DDX41: variants seen among roughly 807,000 people sequenced by gnomAD.
DDX41 encodes DEAD-box helicase 41.
A neutral mutation model predicts 78.8 loss-of-function variants in DDX41; 50 were observed. The ratio of observed to expected loss-of-function variants is 0.63; its 90% CI spans 0.51 to 0.80. The LOEUF (loss-of-function observed/expected upper bound fraction) is 0.80. Among genes scored for constraint, DDX41 ranks in the 30% least tolerant of loss-of-function variants. DDX41 has a pLI of 0.00. For synonymous variants in DDX41, 381 were observed against 321.5 expected (o/e 1.19, Z -1.98); for missense variants, 633 against 849.2 (o/e 0.75, Z 3.16).
Position 177,511,792 on chromosome 5 carries a change from C to T in DDX41, c.1868G>A (p.Ter623=), listed in dbSNP as rs1760956325. The T allele has an allele frequency of 3.7e-6, 6 of 1,614,070 alleles. No individual in the cohort carries two copies. Among genetic ancestry groups the T allele is most frequent in the Non-Finnish European group, 5.1e-6 (6 of 1,179,986 alleles). The change falls in exon 17 of 17, where the codon TGA becomes TAA. Residue 623 remains the stop codon, a stop_retained_variant. Coordinates refer to ENST00000330503, the MANE Select transcript of DDX41 (RefSeq NM_016222.4). ...DYLAHSSMDF[*] is the part of the protein sequence containing the mutation. ...TGGAGAGAAGGGAAGACTGTCGGCT[C>T]AGAAGTCCATGGAGCTGTGGGCCAG...
Position 177,516,829 on chromosome 5 carries a change from G to C in DDX41, c.34C>G (p.Arg12Gly). ...CCTCCGGCAGGCACCTCGTCGGTGC[G>C]AGCCCGCTGCAAGCACACGCCAGTC... ...EESEPERKRA[R>G]TDEVPAGGSR... Residue 12 changes from arginine to glycine, a missense_variant, in exon 2 of 17, where the codon CGC becomes GGC. Transcript: ENST00000330503. 1 of 1,612,734 alleles carries C rather than the reference G, an allele frequency of 6.2e-7. No individual in the cohort carries two copies. The highest frequency in any genetic ancestry group is 1.3e-5 in the African/African-American group (1 of 75,060).
In DDX41 at chr5:177,513,943, C is replaced by T; in HGVS notation, c.936-96G>A. The stretch of plus-strand genomic sequence containing the variant: ...CTGCATCTGCTCTGCTCTCTGTCCT[C>T]CTTCCTATTTCTTTGTCTGTCCCCT... On this transcript the variant is annotated intron_variant, in intron 9 of 16. Coordinates refer to ENST00000330503, the MANE Select transcript of DDX41 (RefSeq NM_016222.4). The surrounding 1 kb of genome is among the most constrained non-coding windows in gnomAD (Gnocchi z 4.6). 8.0e-7 allele frequency: 1 copy of T among 1,253,472 alleles called. No individual in the cohort carries two copies. The highest frequency in any genetic ancestry group is 1.1e-6 in the Non-Finnish European group (1 of 875,656). The allele number at this position is 1,253,472 out of a possible 1,614,324, so 77.6% of individuals were successfully genotyped here.
At chr5:177,515,408 A>G (rs754142309) in intron 6 of DDX41, 150 bp from the exon 7 acceptor site, 3 of 982,160 alleles carry the variant, frequency 3.1e-6, no homozygotes, top group Non-Finnish European at 4.7e-6. Flanking sequence ...AAAAAGAAAA[A>G]AAGAGACTTG....
rs1257868075 is a variant in DDX41 at position 177,514,817 on chromosome 5, G to A, written c.819C>T (p.Thr273=). Residue 273 remains threonine (T), a synonymous_variant, in exon 9 of 17, where the codon ACC becomes ACT. Coordinates refer to ENST00000330503, the MANE Select transcript of DDX41 (RefSeq NM_016222.4). The surrounding 1 kb of genome is among the most constrained non-coding windows in gnomAD (Gnocchi z 4.2). ...GGCAGTAGTACTCCAGGATGCCATG[G>A]GTCTGCCGGGCCAGCTCCCGCTGCA... ...ICPSRELARQ[T]HGILEYYCRL... 4 of 1,612,280 alleles carry A rather than the reference G, an allele frequency of 2.5e-6. No homozygotes were observed. Among genetic ancestry groups the A allele is most frequent in the Non-Finnish European group, 2.5e-6 (3 of 1,179,414 alleles).
chr5:177,516,023 T>A (rs1761212066), intron 4 of DDX41, 34 bp from the exon 5 acceptor site: 1 of 1,614,044 alleles, frequency 6.2e-7, no homozygotes, highest in Admixed American at 1.7e-5. Flanking sequence ...GGCTGGCTCC[T>A]GCTTCTGAGA....
rs1761058647 is a variant in DDX41, at chr5:177,513,157, C to T, written c.1231-75G>A. On this transcript the variant is annotated intron_variant, in intron 11 of 16. Coordinates refer to ENST00000330503, the MANE Select transcript of DDX41 (RefSeq NM_016222.4). This position sits in a 1 kb window ranked among gnomAD's most constrained non-coding sequence, Gnocchi z 4.6. ...CCACAGCCCTGCCATGGCCCGTCAT[C>T]TGGACCAGGAGGTGACCAGAAGCCT... 3 of 1,561,606 alleles carry T rather than the reference C, an allele frequency of 1.9e-6. No individual in the cohort carries two copies. The highest frequency in any genetic ancestry group is 3.4e-5 in the Admixed American group (2 of 57,994).
In DDX41 at chr5:177,511,757, T is replaced by G; in HGVS notation, c.*34A>C. 1 of 1,612,104 alleles carries G rather than the reference T, an allele frequency of 6.2e-7. No individual in the cohort carries two copies. Among genetic ancestry groups the G allele is most frequent in the Non-Finnish European group, 8.5e-7 (1 of 1,178,516 alleles). ...GTAGACTGGTGGCAGTCTTGGGGAC[T>G]GAGGCCTCTTGGAGAGAAGGGAAGA... is the stretch of plus-strand genomic sequence containing the variant. On this transcript the variant is annotated 3_prime_UTR_variant, in exon 17 of 17. Coordinates refer to ENST00000330503, the MANE Select transcript of DDX41 (RefSeq NM_016222.4).
In DDX41 at chr5:177,516,913, TCC is replaced by T. The variant is rs1188462486; in HGVS notation, c.27+4_27+5del. 6.2e-7 allele frequency: 1 copy of T among 1,613,182 alleles called. No homozygotes were observed. The highest frequency in any genetic ancestry group is 1.3e-5 in the African/African-American group (1 of 74,938). On this transcript the variant is annotated splice_donor_5th_base_variant and intron_variant, in intron 1 of 16. Transcript: ENST00000330503. ...CCACACGCGCGGGGTCTCGCCTCTCTCCTACCTTCCGTTCGGGTTCCGACTCC... is the reference window on the plus strand; with the variant it reads ...CCACACGCGCGGGGTCTCGCCTCTCTTACCTTCCGTTCGGGTTCCGACTCC...
rs764631159 is a variant in DDX41, at chr5:177,512,882, C to T, written c.1303-6G>A. ...TTCTCTGCAAAGATGAGTACCTGTC[C>T]GGAAAGACCAACTCCAGTCAGGGGC... is the stretch of plus-strand genomic sequence containing the variant. On this transcript the variant is annotated splice_region_variant and splice_polypyrimidine_tract_variant and intron_variant, in intron 12 of 16. Coordinates refer to ENST00000330503, the MANE Select transcript of DDX41 (RefSeq NM_016222.4). 3.7e-5 allele frequency: 59 copies of T among 1,613,476 alleles called. No homozygotes were observed. Among genetic ancestry groups the T allele is most frequent in the Non-Finnish European group, 4.7e-5 (55 of 1,179,858 alleles).
rs1469624415 is a variant in DDX41, at chr5:177,513,131, G to T, written c.1231-49C>A. ...GGTGATCTTGAGATTAGGCTTACCC[G>T]CCACAGCCCTGCCATGGCCCGTCAT... is the stretch of plus-strand genomic sequence containing the variant. On this transcript the variant is annotated intron_variant, in intron 11 of 16. Coordinates refer to ENST00000330503, the MANE Select transcript of DDX41 (RefSeq NM_016222.4). This position sits in a 1 kb window ranked among gnomAD's most constrained non-coding sequence, Gnocchi z 4.6. 6.3e-7 allele frequency: 1 copy of T among 1,585,744 alleles called. No individual in the cohort carries two copies.
In DDX41 at chr5:177,515,059, G is replaced by C; in HGVS notation, c.655C>G (p.Arg219Gly). Reference protein sequence around the residue: ...IQGIPTILSGRDMIGIAFTGS... With the variant: ...IQGIPTILSGGDMIGIAFTGS... The stretch of plus-strand genomic sequence containing the variant: ...GTGAAAGCGATGCCTATCATGTCAC[G>C]GCCAGATAGACTGTTGGGAGAGGAT... The change falls in exon 8 of 17, where the codon CGT (arginine) becomes GGT (glycine). Residue 219 changes from arginine to glycine, a missense_variant. Arg to Gly is a moderately radical substitution (Grantham distance 125, BLOSUM62 -2). This residue lies in a region of DDX41 where 126 missense variants were observed against 115.5 expected (regional missense o/e 1.09). Coordinates refer to ENST00000330503, the MANE Select transcript of DDX41 (RefSeq NM_016222.4). 6.2e-7 allele frequency: 1 copy of C among 1,612,846 alleles called. No homozygotes were observed. Among genetic ancestry groups the C allele is most frequent in the South Asian group, 1.1e-5 (1 of 91,078 alleles).
rs1761120370 is a variant in DDX41 at position 177,514,279 on chromosome 5, C to G, written c.935+422G>C. ...AGGGCCTCTGGTGGTCTGCAGAGGA[C>G]TGCACAGCACTGAAAGGACACAGGT... On this transcript the variant is annotated intron_variant, in intron 9 of 16. Coordinates refer to ENST00000330503, the MANE Select transcript of DDX41 (RefSeq NM_016222.4). The surrounding 1 kb of genome is among the most constrained non-coding windows in gnomAD (Gnocchi z 4.2). 2.0e-6 allele frequency: 1 copy of G among 488,240 alleles called. No individual in the cohort carries two copies. The highest frequency in any genetic ancestry group is 4.0e-6 in the Non-Finnish European group (1 of 249,564). The allele number at this position is 488,240 out of a possible 1,614,324, so 30.2% of individuals were successfully genotyped here.
In DDX41 at chr5:177,514,456, G is replaced by T. The variant is rs898991704; in HGVS notation, c.935+245C>A. ...TCACCTTCCCGGAAAAGCCTTCTCT[G>T]AGCTCCCACCTCCCAGATGTCCCCA... On this transcript the variant is annotated intron_variant, in intron 9 of 16. Coordinates refer to ENST00000330503, the MANE Select transcript of DDX41 (RefSeq NM_016222.4). This position sits in a 1 kb window ranked among gnomAD's most constrained non-coding sequence, Gnocchi z 4.2. 6.6e-6 allele frequency among the ~76,000 whole-genome samples: 1 copy of T among 152,142 alleles called. No individual in the cohort carries two copies. The highest frequency in any genetic ancestry group is 2.4e-5 in the African/African-American group (1 of 41,438).
chr5:177,511,653 C>G lies in DDX41; in HGVS notation c.*138G>C, dbSNP rs989394683. The G allele has an allele frequency of 1.9e-5, 22 of 1,167,956 alleles. No individual in the cohort carries two copies. The African/African-American group carries it at 2.9e-4, about 15-fold the overall frequency. The allele number at this position is 1,167,956 out of a possible 1,614,324, so 72.3% of individuals were successfully genotyped here. A position where few individuals can be genotyped will look rare whatever the true frequency, so the allele number is the denominator to read the frequency against. On this transcript the variant is annotated 3_prime_UTR_variant, in exon 17 of 17. Transcript: ENST00000330503. ...CAGTAATTCTGAAGAGCACAGGGAA[C>G]AGGCAGCCAGGACCAGCCTGGCCCA...
chr5:177,512,807 C>T lies in DDX41; in HGVS notation c.1372G>A (p.Glu458Lys). 1 of 1,614,152 alleles carries T rather than the reference C, an allele frequency of 6.2e-7. No individual in the cohort carries two copies. The highest frequency in any genetic ancestry group is 8.5e-7 in the Non-Finnish European group (1 of 1,180,032). ...IHEYLLLKGV[E>K]AVAIHGGKDQ... is the part of the protein sequence containing the mutation. Reference sequence around the variant, plus strand: ...TTGCCCCCATGGATGGCTACGGCCTCAACCCCCTTGAGCAGCAGGTACTCG... The same window carrying T: ...TTGCCCCCATGGATGGCTACGGCCTTAACCCCCTTGAGCAGCAGGTACTCG... The change falls in exon 13 of 17, where the codon GAG becomes AAG. Residue 458 changes from glutamate (E) to lysine (K), a missense_variant. By Grantham distance (56) the Glu-to-Lys change is moderately conservative. Transcript: ENST00000330503.
chr5:177,512,309 G>C lies in DDX41; in HGVS notation c.1621+13C>G. 6.2e-7 allele frequency: 1 copy of C among 1,614,002 alleles called. No homozygotes were observed. Among genetic ancestry groups the C allele is most frequent in the Non-Finnish European group, 8.5e-7 (1 of 1,179,976 alleles). ...CCAGGGAACAGCTAAGGTGGCGCTGGTAACAGACTCACCACACGCTTTGTT... is the reference window on the plus strand; with the variant it reads ...CCAGGGAACAGCTAAGGTGGCGCTGCTAACAGACTCACCACACGCTTTGTT... On this transcript the variant is annotated intron_variant, in intron 15 of 16. Transcript: ENST00000330503.
At position 177,511,939 on chromosome 5, in the gene DDX41, G is replaced by C. The variant is rs573047568; in HGVS notation, c.1733-12C>G. ...ACAGCCGCGCTCTCCTGGGGGAATGGGGACAGGGGTCAGCCAAGTCAAGGA... is the reference window on the plus strand; with the variant it reads ...ACAGCCGCGCTCTCCTGGGGGAATGCGGACAGGGGTCAGCCAAGTCAAGGA... On this transcript the variant is annotated splice_polypyrimidine_tract_variant and intron_variant, in intron 16 of 16. Transcript: ENST00000330503. The C allele has an allele frequency of 5.8e-5, 93 of 1,613,414 alleles. No individual in the cohort carries two copies. The highest frequency in any genetic ancestry group is 5.7e-4 in the African/African-American group (43 of 75,046).
Position 177,513,874 on chromosome 5 carries a change from T to G in DDX41, c.936-27A>C. On this transcript the variant is annotated intron_variant, in intron 9 of 16. Transcript: ENST00000330503. This position sits in a 1 kb window ranked among gnomAD's most constrained non-coding sequence, Gnocchi z 4.6. Reference sequence around the variant, plus strand: ...TGGGGACCAAGGAGAGACCCTGAGGTTGGGGCCACTGGCCTATCACCTATC... The same window carrying G: ...TGGGGACCAAGGAGAGACCCTGAGGGTGGGGCCACTGGCCTATCACCTATC... 3.1e-6 allele frequency: 5 copies of G among 1,611,062 alleles called. No homozygotes were observed. The highest frequency in any genetic ancestry group is 4.2e-6 in the Non-Finnish European group (5 of 1,178,324).
At position 177,515,084 on chromosome 5, in the gene DDX41, T is replaced by C. The variant is rs1229250099; in HGVS notation, c.645-15A>G. On this transcript the variant is annotated splice_polypyrimidine_tract_variant and intron_variant, in intron 7 of 16. Coordinates refer to ENST00000330503, the MANE Select transcript of DDX41 (RefSeq NM_016222.4). ...GGCCAGATAGACTGTTGGGAGAGGA[T>C]GACCCGAGGGCCAATTTCAACAGAA... is the stretch of plus-strand genomic sequence containing the variant. 1.9e-6 allele frequency: 3 copies of C among 1,611,728 alleles called. No homozygotes were observed. The East Asian group carries it at 6.7e-5, about 36-fold the overall frequency.
Sources: gnomAD v4.1 joint callset for allele counts (sites outside exome capture counted in the v4.1 genomes callset) on GRCh38, gnomAD v4.1.1 for gene constraint, gnomAD v4.1.1 regional missense constraint, Gnocchi (gnomAD v3.1) non-coding constraint, MANE v1.5 for transcripts, NCBI Gene and HGNC (gene_info 2026-07-23, HGNC 2026-07-21) for gene names.